Variants in TOX observed in about 807,000 individuals in gnomAD.
TOX encodes the protein thymocyte selection-associated high mobility group box protein TOX.
In TOX, 11 loss-of-function variants were observed where a neutral mutation model predicts 53.7. The ratio of observed to expected loss-of-function variants is 0.20; its 90% CI spans 0.13 to 0.34. The LOEUF is 0.34. TOX is among the 10% of genes least tolerant of loss of function. The probability of loss-of-function intolerance (pLI) is 1.00; values close to 1 mark genes in which losing one functional copy is unlikely to be tolerated. For synonymous variants in TOX, 225 were observed against 245.3 expected (o/e 0.92, Z 0.77); for missense variants, 570 against 664.6 (o/e 0.86, Z 1.56).
At chr8:58,827,420 C>T (rs987532627) in intron 5 of TOX, among the ~76,000 whole-genome samples, 1 of 152,062 alleles carries the variant, frequency 6.6e-6, no homozygotes, top group Admixed American at 6.6e-5. Context: ...AGATTTGGAG[C>T]CTTGAAGTTC....
At chr8:58,937,931 C>T (rs1207516731) in intron 3 of TOX, among the ~76,000 whole-genome samples, 1 of 152,142 alleles carries the variant, frequency 6.6e-6, no homozygotes, top group African/African-American at 2.4e-5. Flanking sequence ...CACTGAAATA[C>T]ATTTTTCAGC....
intron 3 of TOX, among the ~76,000 whole-genome samples, chr8:58,892,345 A>C (rs1360832751): frequency 1.3e-5 from 2 of 152,140 alleles, no homozygotes; most frequent in East Asian, 1.9e-4. Flanking sequence ...TCATGTAGGG[A>C]CATTTTTTTC....
intron 1 of TOX, among the ~76,000 whole-genome samples, chr8:58,962,910 A>G (rs1020443073): frequency 6.6e-6 from 1 of 152,192 alleles, no homozygotes; most frequent in African/African-American, 2.4e-5. Flanking sequence ...TTGGTCAAAC[A>G]TTCTTCTGGG....
At chr8:58,986,891 C>T (rs1813339866) in intron 1 of TOX, among the ~76,000 whole-genome samples, 1 of 152,222 alleles carries the variant, frequency 6.6e-6, no homozygotes, top group Admixed American at 6.5e-5. Context: ...AAGCTTCCTG[C>T]AGCCTTTGGG....
At chr8:58,994,480 T>C (rs1813522533) in intron 1 of TOX, among the ~76,000 whole-genome samples, 1 of 151,926 alleles carries the variant, frequency 6.6e-6, no homozygotes, top group Non-Finnish European at 1.5e-5. Flanking sequence ...TCTTTAGACC[T>C]GTCGGAAACT....
At chr8:58,815,831 C>T in intron 6 of TOX, 107 bp from the exon 7 acceptor site, 1 of 1,254,470 alleles carries the variant, frequency 8.0e-7, no homozygotes, top group Non-Finnish European at 1.1e-6. Context: ...AATCCATACC[C>T]ATGACTATCC....
chr8:58,886,347 A>G (rs1397529402), intron 3 of TOX, among the ~76,000 whole-genome samples: 1 of 152,130 alleles, frequency 6.6e-6, no homozygotes, highest in Non-Finnish European at 1.5e-5. Flanking sequence ...AACTCTAATT[A>G]TTTTATCAAA....
Position 59,054,927 on chromosome 8 carries a change from A to AG in TOX, c.102+63958dup, listed in dbSNP as rs201286563. Among the ~76,000 whole-genome samples, 3 of 141,216 alleles carry AG rather than the reference A, an allele frequency of 2.1e-5. No homozygotes were observed. In the East Asian group the frequency reaches 8.2e-4, roughly 38 times the overall value. 92.6% of individuals were successfully genotyped at this position (141,216 alleles called of 152,430 possible). A position where few individuals can be genotyped will look rare whatever the true frequency, so the allele number is the denominator to read the frequency against. On this transcript the variant is annotated intron_variant, in intron 1 of 8. Coordinates refer to ENST00000361421, the MANE Select transcript of TOX (RefSeq NM_014729.3). ...AAAAGAAAGAAAGAGAAAGAAAGAA[A>AG]GAAAAAGAAAGAAAGGAAAAAGAGA...
At chr8:58,936,301 C>T (rs1585910974) in intron 3 of TOX, among the ~76,000 whole-genome samples, 2 of 152,158 alleles carry the variant, frequency 1.3e-5, no homozygotes, top group African/African-American at 4.8e-5. Flanking sequence ...GGCTGTCCTA[C>T]CTTTTCTACT....
intron 1 of TOX, among the ~76,000 whole-genome samples, chr8:58,988,401 C>T (rs1338467603): frequency 6.6e-6 from 1 of 152,170 alleles, no homozygotes; most frequent in African/African-American, 2.4e-5. Context: ...TTCCCTGATA[C>T]AATGGCGGAG....
chr8:59,107,051 G>GA (rs1179506606), intron 1 of TOX, among the ~76,000 whole-genome samples: 2 of 130,930 alleles, frequency 1.5e-5, no homozygotes, highest in African/African-American at 2.9e-5. Flanking sequence ...TTTGCTGGGG[G>GA]GGGGGGGAAC....
intron 4 of TOX, among the ~76,000 whole-genome samples, chr8:58,839,242 A>G (rs1015642639): frequency 6.6e-6 from 1 of 152,202 alleles, no homozygotes; most frequent in African/African-American, 2.4e-5. Flanking sequence ...TAACCATATA[A>G]AGCTAGTGAG....
chr8:59,021,582 A>G (rs1814137322), intron 1 of TOX, among the ~76,000 whole-genome samples: 1 of 150,174 alleles, frequency 6.7e-6, no homozygotes, highest in African/African-American at 2.4e-5. Context: ...TGAGCAGGTA[A>G]TCCTCCAGAA....
intron 7 of TOX, among the ~76,000 whole-genome samples, chr8:58,811,357 A>C (rs776639525): frequency 3.3e-4 from 51 of 152,252 alleles, no homozygotes; most frequent in Non-Finnish European, 6.3e-4. Context: ...GCCAGATTGA[A>C]ATAAAAATAG....
chr8:58,873,210 T>C (rs1483684809), intron 3 of TOX, among the ~76,000 whole-genome samples: 2 of 152,154 alleles, frequency 1.3e-5, no homozygotes, highest in African/African-American at 4.8e-5. Flanking sequence ...ATGGTTTCTT[T>C]ATAAATTAAG....
At chr8:59,107,276 T>C (rs1804930819) in intron 1 of TOX, among the ~76,000 whole-genome samples, 1 of 152,148 alleles carries the variant, frequency 6.6e-6, no homozygotes. Context: ...ATTATGCACA[T>C]AAATTCTTTC....
intron 2 of TOX, among the ~76,000 whole-genome samples, chr8:58,951,546 AC>A (rs764081678): frequency 2.0e-5 from 3 of 152,018 alleles, no homozygotes; most frequent in Non-Finnish European, 2.9e-5. Context: ...ATTTCTGTTG[AC>A]CCGGTCTCAC....
chr8:59,044,965 G>A (rs1358896733), intron 1 of TOX, among the ~76,000 whole-genome samples: 1 of 152,228 alleles, frequency 6.6e-6, no homozygotes, highest in Non-Finnish European at 1.5e-5. Flanking sequence ...GAATGCCTTA[G>A]GGCACTGAGG....
chr8:58,966,440 G>A (rs944198927), intron 1 of TOX, among the ~76,000 whole-genome samples: 1 of 152,138 alleles, frequency 6.6e-6, no homozygotes, highest in Non-Finnish European at 1.5e-5. Context: ...TTGGGCTCCT[G>A]TCACTTGAAC....
Sources: allele counts gnomAD v4.1 joint callset (sites outside exome capture counted in the v4.1 genomes callset), GRCh38; gene constraint gnomAD v4.1.1; transcripts MANE v1.5; gene names NCBI Gene and HGNC (gene_info 2026-07-23, HGNC 2026-07-21).